ANTXRL: variants seen among roughly 807,000 people sequenced by gnomAD.
ANTXRL encodes anthrax toxin receptor-like.
Under a neutral mutation model 75.4 loss-of-function variants are expected in ANTXRL, and 63 were observed. That is an observed-to-expected ratio of 0.84 (90% confidence interval 0.68 to 1.03). The LOEUF (loss-of-function observed/expected upper bound fraction) is 1.03. ANTXRL is among the 50% of genes least tolerant of loss of function. The pLI, the probability that ANTXRL is intolerant of heterozygous loss-of-function variation, is 0.00. For missense variants in ANTXRL, 797 were observed against 789.4 expected (o/e 1.01, Z -0.12); for synonymous variants, 335 against 291.3 (o/e 1.15, Z -1.53).
At chr10:46,321,824 G>A (rs1225099966) in intron 16 of ANTXRL, among the ~76,000 whole-genome samples, 1 of 152,086 alleles carries the variant, frequency 6.6e-6, no homozygotes, top group Non-Finnish European at 1.5e-5. Context: ...TTTTCCAGTA[G>A]GAGCGTATCT....
At chr10:46,310,035 G>C (rs1838329659) in intron 13 of ANTXRL, among the ~76,000 whole-genome samples, 1 of 152,126 alleles carries the variant, frequency 6.6e-6, no homozygotes, top group Non-Finnish European at 1.5e-5. Context: ...TCTGCATAGG[G>C]AGCTGCAAGG....
intron 14 of ANTXRL, among the ~76,000 whole-genome samples, chr10:46,310,724 G>A (rs1838371979): frequency 6.6e-6 from 1 of 152,132 alleles, no homozygotes; most frequent in South Asian, 2.1e-4. Context: ...CCAGTTCGCA[G>A]CCTGGGGTGG....
chr10:46,312,103 C>T (rs1294401256), intron 15 of ANTXRL, among the ~76,000 whole-genome samples: 1 of 147,596 alleles, frequency 6.8e-6, no homozygotes, highest in Non-Finnish European at 1.5e-5. Context: ...CCAGTCCTGA[C>T]ACATGTTCTC....
chr10:46,293,464 G>C lies in ANTXRL; in HGVS notation c.321-365G>C, dbSNP rs542594494. 1.2e-4 allele frequency among the ~76,000 whole-genome samples: 4 copies of C among 32,374 alleles called. 1 individual carries two copies. The highest frequency in any genetic ancestry group is 4.6e-4 in the Non-Finnish European group (4 of 8,730). 21.2% of individuals were successfully genotyped at this position (32,374 alleles called of 152,430 possible). A position where few individuals can be genotyped will look rare whatever the true frequency, so the allele number is the denominator to read the frequency against. On this transcript the variant is annotated intron_variant, in intron 2 of 16. Coordinates refer to ENST00000620264, the MANE Select transcript of ANTXRL (RefSeq NM_001278688.3). ...CATGTGTATGGGTGCATGTGTGAGT[G>C]TGTGTGTATGCATGTGTGTGGGTGT...
intron 1 of ANTXRL, among the ~76,000 whole-genome samples, chr10:46,287,982 C>T (rs1196155618): frequency 6.6e-6 from 1 of 152,104 alleles, no homozygotes; most frequent in African/African-American, 2.4e-5. Flanking sequence ...TTAGAGAAGG[C>T]CTTTGGTTGG....
At chr10:46,293,795 A>C in intron 2 of ANTXRL, 34 bp from the exon 3 acceptor site, 1 of 1,526,922 alleles carries the variant, frequency 6.5e-7, no homozygotes, top group Non-Finnish European at 8.8e-7. Context: ...AGCCTGTGCC[A>C]CTGGCTTCTC....
intron 16 of ANTXRL, among the ~76,000 whole-genome samples, chr10:46,313,578 A>G (rs541628755): frequency 4.9e-4 from 74 of 152,278 alleles, no homozygotes; most frequent in African/African-American, 1.7e-3. Context: ...GACTGGTTCT[A>G]ACAGGGAATA....
In ANTXRL at chr10:46,297,854, T is replaced by G. The variant is rs1837476047; in HGVS notation, c.678T>G (p.Pro226=). Residue 226 remains proline (P), a synonymous_variant, in exon 8 of 17, where the codon CCT becomes CCG. Coordinates refer to ENST00000620264, the MANE Select transcript of ANTXRL (RefSeq NM_001278688.3). The part of the protein sequence containing the change: ...LDQITAIADS[P]GHVFAVENGF... ...AGATAACAGCAATTGCAGACAGCCC[T>G]GGCCACGTGTTTGCAGTGGAGAATG... is the stretch of plus-strand genomic sequence containing the variant. 1 of 1,535,792 alleles carries G rather than the reference T, an allele frequency of 6.5e-7. No homozygotes were observed. The highest frequency in any genetic ancestry group is 1.4e-5 in the African/African-American group (1 of 72,996).
chr10:46,298,439 T>C (rs1554959668), intron 9 of ANTXRL, among the ~76,000 whole-genome samples: 1 of 151,118 alleles, frequency 6.6e-6, no homozygotes, highest in Non-Finnish European at 1.5e-5. Context: ...TGTTGTATTG[T>C]GGGGTGTATG....
At position 46,306,782 on chromosome 10, in the gene ANTXRL, TCTC is replaced by T. The variant is rs1838116007; in HGVS notation, c.896-20_896-18del. The T allele has an allele frequency of 2.0e-6, 3 of 1,512,080 alleles. No individual in the cohort carries two copies. The East Asian group carries it at 7.4e-5, about 37-fold the overall frequency. The allele number at this position is 1,512,080 out of a possible 1,614,324, so 93.7% of individuals were successfully genotyped here. ...GGACAGACAGGTGCACTGACATTCT[TCTC>T]ATGTCATTTTCTTTTAGATGAAAAG... On this transcript the variant is annotated intron_variant, in intron 10 of 16. Transcript: ENST00000620264.
At chr10:46,321,416 C>T (rs1838971224) in intron 16 of ANTXRL, among the ~76,000 whole-genome samples, 1 of 152,126 alleles carries the variant, frequency 6.6e-6, no homozygotes, top group East Asian at 1.9e-4. Context: ...ATCAGGTTTA[C>T]CTGAAAGTCT....
chr10:46,297,113 TG>T, intron 5 of ANTXRL, 138 bp from the exon 6 acceptor site: 1 of 700,878 alleles, frequency 1.4e-6, no homozygotes, highest in East Asian at 2.7e-5. Flanking sequence ...GCCTCTCCTC[TG>T]GAGGATGAGG....
intron 9 of ANTXRL, among the ~76,000 whole-genome samples, chr10:46,298,987 C>T (rs1335133964): frequency 2.0e-5 from 3 of 151,810 alleles, no homozygotes; most frequent in African/African-American, 4.9e-5. Flanking sequence ...TGTGTTGTAA[C>T]CTCACAACGG....
At chr10:46,313,129 C>CTGGG in intron 15 of ANTXRL, 107 bp from the exon 16 acceptor site, 1 of 1,011,026 alleles carries the variant, frequency 9.9e-7, no homozygotes, top group Non-Finnish European at 1.5e-6. Flanking sequence ...GGAGCTTTGT[C>CTGGG]TGGGTGTTTT....
At chr10:46,322,996 TTATC>T (rs1554965865) in intron 16 of ANTXRL, among the ~76,000 whole-genome samples, 1 of 152,186 alleles carries the variant, frequency 6.6e-6, no homozygotes, top group Non-Finnish European at 1.5e-5. Context: ...AGAAAGGAGT[TTATC>T]TATTTGGAGT....
intron 1 of ANTXRL, among the ~76,000 whole-genome samples, chr10:46,289,440 T>C (rs1836893312): frequency 1.3e-5 from 2 of 152,192 alleles, no homozygotes; most frequent in South Asian, 4.1e-4. Flanking sequence ...ATTGAAACTC[T>C]ATTCTCAGCC....
chr10:46,301,889 G>A (rs1209381379), intron 9 of ANTXRL, among the ~76,000 whole-genome samples: 1 of 152,192 alleles, frequency 6.6e-6, no homozygotes, highest in African/African-American at 2.4e-5. Context: ...AGGCAGGGGT[G>A]GAGGCCAATG....
At chr10:46,316,111 G>A (rs1483288271) in intron 16 of ANTXRL, among the ~76,000 whole-genome samples, 2 of 152,048 alleles carry the variant, frequency 1.3e-5, no homozygotes, top group Non-Finnish European at 2.9e-5. Flanking sequence ...AATATCACTC[G>A]ATCCATCAGG....
rs1315585866 is a variant in ANTXRL, at chr10:46,292,067, C to A, written c.258C>A (p.Ser86Arg). 1 of 1,536,256 alleles carries A rather than the reference C, an allele frequency of 6.5e-7. No individual in the cohort carries two copies. The highest frequency in any genetic ancestry group is 8.7e-7 in the Non-Finnish European group (1 of 1,146,776). Residue 86 changes from serine to arginine, a missense_variant, in exon 2 of 17, where the codon AGC becomes AGA. Transcript: ENST00000620264. The stretch of plus-strand genomic sequence containing the variant: ...TCTCCTTTTGTTTTAGGTCTGGCAG[C>A]GTGAACAATAACTGGATTGACCTTT... The part of the protein sequence containing the change: ...DLYFILDKSG[S>R]VNNNWIDLYM...
Sources: allele counts gnomAD v4.1 joint callset (sites outside exome capture counted in the v4.1 genomes callset), GRCh38; gene constraint gnomAD v4.1.1; transcripts MANE v1.5; gene names NCBI Gene and HGNC (gene_info 2026-07-23, HGNC 2026-07-21).